Variants in RB1 observed in about 807,000 individuals in gnomAD.
RB1 encodes the protein retinoblastoma-associated protein.
In RB1, 18 loss-of-function variants were observed where a neutral mutation model predicts 135.4. The observed-to-expected ratio is 0.13, with a 90% confidence interval of 0.09 to 0.20. The LOEUF (loss-of-function observed/expected upper bound fraction) is 0.20, where lower values mean the gene tolerates loss of function less well. Ranked by LOEUF, RB1 falls within the 10% of genes least tolerant of loss-of-function variation. The probability of loss-of-function intolerance (pLI) is 1.00; values close to 1 mark genes in which losing one functional copy is unlikely to be tolerated. For missense variants in RB1, 868 were observed against 1,110.0 expected (o/e 0.78, Z 3.10); for synonymous variants, 365 against 373.2 (o/e 0.98, Z 0.25).
intron 7 of RB1, among the ~76,000 whole-genome samples, chr13:48,362,205 C>T (rs1024877240): frequency 6.6e-6 from 1 of 152,038 alleles, no homozygotes; most frequent in East Asian, 1.9e-4. Flanking sequence ...CTTGGCCTCC[C>T]AAAGTGCTAG....
chr13:48,385,097 T>C (rs796536760), intron 17 of RB1, among the ~76,000 whole-genome samples: 21 of 152,314 alleles, frequency 1.4e-4, no homozygotes, highest in African/African-American at 4.6e-4. Flanking sequence ...TCAATAAATG[T>C]TTATAAATCA....
rs1051685941 is a variant in RB1 at position 48,462,896 on chromosome 13, A to G, written c.2107-835A>G. 2.0e-5 allele frequency among the ~76,000 whole-genome samples: 3 copies of G among 152,044 alleles called. No homozygotes were observed. The South Asian group carries it at 6.2e-4, about 32-fold the overall frequency. The stretch of plus-strand genomic sequence containing the variant: ...CAAAAAATCAGTTGACTGTAAATAT[A>G]TAAGTATTTATTTCTGGACTCTCAA... On this transcript the variant is annotated intron_variant, in intron 20 of 26. Coordinates refer to ENST00000267163, the MANE Select transcript of RB1 (RefSeq NM_000321.3).
At chr13:48,339,705 A>C (rs910363638) in intron 2 of RB1, among the ~76,000 whole-genome samples, 1 of 152,186 alleles carries the variant, frequency 6.6e-6, no homozygotes, top group Non-Finnish European at 1.5e-5. Context: ...GACAAGCCCC[A>C]GTGAGATGAA....
At position 48,373,483 on chromosome 13, in the gene RB1, C is replaced by A. The variant is rs752679968; in HGVS notation, c.1206C>A (p.Ser402=). The A allele has an allele frequency of 6.4e-7, 1 of 1,566,694 alleles. No homozygotes were observed. Among genetic ancestry groups the A allele is most frequent in the Non-Finnish European group, 8.8e-7 (1 of 1,137,340 alleles). Residue 402 remains serine, a synonymous_variant, in exon 12 of 27, where the codon TCC becomes TCA. Coordinates refer to ENST00000267163, the MANE Select transcript of RB1 (RefSeq NM_000321.3). The part of the protein sequence containing the change: ...ASDQPSENLI[S]YFNNCTVNPK... Reference sequence around the variant, plus strand: ...ATCAACCTTCAGAAAATCTGATTTCCTATTTTAACGTAAGCCATATATGAA... The same window carrying A: ...ATCAACCTTCAGAAAATCTGATTTCATATTTTAACGTAAGCCATATATGAA...
At chr13:48,409,641 C>T (rs1274291220) in intron 17 of RB1, among the ~76,000 whole-genome samples, 3 of 121,792 alleles carry the variant, frequency 2.5e-5, no homozygotes, top group South Asian at 5.4e-4. Flanking sequence ...AGTGCAGTGG[C>T]GAGATCTTGG....
intron 23 of RB1, among the ~76,000 whole-genome samples, chr13:48,472,904 A>C (rs527964405): frequency 6.6e-6 from 1 of 152,318 alleles, no homozygotes; most frequent in East Asian, 1.9e-4. Context: ...AAGATTTCTG[A>C]CTCTATGATA....
chr13:48,386,318 C>G (rs1484003253), intron 17 of RB1, among the ~76,000 whole-genome samples: 1 of 151,752 alleles, frequency 6.6e-6, no homozygotes, highest in South Asian at 2.1e-4. Flanking sequence ...TGCTACACAT[C>G]AGGGTAGGAA....
chr13:48,308,890 CAT>C (rs1952108756), intron 2 of RB1, among the ~76,000 whole-genome samples: 1 of 152,020 alleles, frequency 6.6e-6, no homozygotes, highest in Non-Finnish European at 1.5e-5. Flanking sequence ...TGTAGTTACA[CAT>C]AGTTTTGTAT....
At chr13:48,446,802 G>A (rs1204171507) in intron 17 of RB1, among the ~76,000 whole-genome samples, 1 of 152,188 alleles carries the variant, frequency 6.6e-6, no homozygotes, top group African/African-American at 2.4e-5. Flanking sequence ...AGAGCATGAG[G>A]TCTGAGAGGT....
intron 17 of RB1, among the ~76,000 whole-genome samples, chr13:48,418,072 A>T (rs1309633831): frequency 1.3e-5 from 2 of 152,222 alleles, no homozygotes; most frequent in Non-Finnish European, 2.9e-5. Flanking sequence ...CCCAAGACAC[A>T]TAATCGTCAG....
At chr13:48,345,278 C>T in intron 4 of RB1, 79 bp downstream of exon 4, 1 of 1,476,420 alleles carries the variant, frequency 6.8e-7, no homozygotes, top group Non-Finnish European at 9.4e-7. Flanking sequence ...AATTATTTAA[C>T]ACATTTAGTA....
intron 6 of RB1, among the ~76,000 whole-genome samples, chr13:48,353,386 T>C (rs1952565714): frequency 6.6e-6 from 1 of 151,982 alleles, no homozygotes; most frequent in Admixed American, 6.6e-5. Context: ...CTTACCAAGA[T>C]TGAACCAGGA....
intron 2 of RB1, among the ~76,000 whole-genome samples, chr13:48,313,048 C>T (rs1952144751): frequency 6.6e-6 from 1 of 152,104 alleles, no homozygotes; most frequent in Admixed American, 6.6e-5. Flanking sequence ...ACCTTCCTTC[C>T]AGTCTTATTT....
At chr13:48,405,652 A>G (rs1479917684) in intron 17 of RB1, among the ~76,000 whole-genome samples, 1 of 152,194 alleles carries the variant, frequency 6.6e-6, no homozygotes, top group African/African-American at 2.4e-5. Context: ...AATATTTACT[A>G]TCTACTCCTT....
intron 2 of RB1, among the ~76,000 whole-genome samples, chr13:48,315,274 G>T (rs866788130): frequency 1.3e-5 from 2 of 152,138 alleles, no homozygotes; most frequent in Non-Finnish European, 2.9e-5. Context: ...TGTATTCCTA[G>T]ATATTTTATT....
chr13:48,459,729 C>A lies in RB1; in HGVS notation c.2002C>A (p.Arg668Ser), dbSNP rs369755801. 6.2e-7 allele frequency: 1 copy of A among 1,613,844 alleles called. No homozygotes were observed. The highest frequency in any genetic ancestry group is 1.7e-5 in the Admixed American group (1 of 60,008). Residue 668 changes from arginine to serine, a missense_variant, in exon 20 of 27, where the codon CGC becomes AGC. Transcript: ENST00000267163. ...TCTCCGGCTAAATACACTTTGTGAACGCCTTCTGTCTGAGCACCCAGAATT... is the reference window on the plus strand; with the variant it reads ...TCTCCGGCTAAATACACTTTGTGAAAGCCTTCTGTCTGAGCACCCAGAATT... ...AYLRLNTLCE[R>S]LLSEHPELEH...
chr13:48,404,927 T>G (rs1401609241), intron 17 of RB1, among the ~76,000 whole-genome samples: 1 of 152,180 alleles, frequency 6.6e-6, no homozygotes, highest in East Asian at 1.9e-4. Context: ...ACAGAAGTTC[T>G]CATTAGGAAT....
At chr13:48,379,505 G>A (rs1948512624) in intron 13 of RB1, 89 bp from the exon 14 acceptor site, 1 of 1,474,748 alleles carries the variant, frequency 6.8e-7, no homozygotes, top group African/African-American at 1.5e-5. Flanking sequence ...GGGCAAAACA[G>A]TGAGACTCCA....
At chr13:48,333,343 A>G (rs1306594057) in intron 2 of RB1, 1 of 314,548 alleles carries the variant, frequency 3.2e-6, no homozygotes, top group Admixed American at 4.9e-5. Context: ...ATGGTTTTCA[A>G]CCTTGTTTCC....
Sources: gnomAD v4.1 joint callset for allele counts (sites outside exome capture counted in the v4.1 genomes callset) on GRCh38, gnomAD v4.1.1 for gene constraint, MANE v1.5 for transcripts, NCBI Gene and HGNC (gene_info 2026-07-23, HGNC 2026-07-21) for gene names.